The following MIPOL1 variants were observed in gnomAD, a reference collection of about 807,000 sequenced individuals.
MIPOL1 encodes the protein mirror-image polydactyly gene 1 protein.
A neutral mutation model predicts 60.9 loss-of-function variants in MIPOL1; 57 were observed. That is an observed-to-expected ratio of 0.94 (90% confidence interval 0.76 to 1.17). The LOEUF is 1.17. Ranked by LOEUF, MIPOL1 falls within the 50% of genes most tolerant of loss-of-function variation. The pLI, the probability that MIPOL1 is intolerant of heterozygous loss-of-function variation, is 0.00. For missense variants in MIPOL1, 551 were observed against 511.6 expected (o/e 1.08, Z -0.74); for synonymous variants, 179 against 168.8 (o/e 1.06, Z -0.47).
At chr14:37,396,829 A>G (rs1336137493) in intron 10 of MIPOL1, 1 of 151,754 alleles carries the variant, frequency 6.6e-6, no homozygotes, top group East Asian at 1.9e-4. Context: ...TGAAGTTTTG[A>G]TTGTTTTTTC....
At chr14:37,425,623 G>C (rs552730877) in intron 11 of MIPOL1, among the ~76,000 whole-genome samples, 22 of 152,110 alleles carry the variant, frequency 1.4e-4, no homozygotes, top group Non-Finnish European at 2.5e-4. Flanking sequence ...CCTACTTATA[G>C]GGTTGTTTTA....
chr14:37,543,445 T>G (rs1430714625), intron 12 of MIPOL1, among the ~76,000 whole-genome samples: 1 of 152,072 alleles, frequency 6.6e-6, no homozygotes, highest in East Asian at 1.9e-4. Flanking sequence ...CTGGCTAATT[T>G]TTTTTATTTT....
chr14:37,420,614 C>G (rs942155261), intron 10 of MIPOL1, among the ~76,000 whole-genome samples: 1 of 152,010 alleles, frequency 6.6e-6, no homozygotes, highest in Non-Finnish European at 1.5e-5. Context: ...AACAGATACC[C>G]AACTCAGACT....
intron 7 of MIPOL1, among the ~76,000 whole-genome samples, chr14:37,304,983 A>C (rs181592802): frequency 6.6e-6 from 1 of 151,920 alleles, no homozygotes; most frequent in African/African-American, 2.4e-5. Flanking sequence ...TATAACACCA[A>C]CTATTATTTT....
At chr14:37,401,594 T>C (rs1340306242) in intron 10 of MIPOL1, 1 of 152,046 alleles carries the variant, frequency 6.6e-6, no homozygotes. Flanking sequence ...AATTTAAGGA[T>C]CCTATATTTA....
At chr14:37,450,568 G>A (rs1043381551) in intron 11 of MIPOL1, among the ~76,000 whole-genome samples, 1 of 151,988 alleles carries the variant, frequency 6.6e-6, no homozygotes, top group African/African-American at 2.4e-5. Flanking sequence ...ATAAGGAGGT[G>A]TCTAGGAATG....
intron 7 of MIPOL1, among the ~76,000 whole-genome samples, chr14:37,285,887 C>T (rs1326567160): frequency 3.9e-5 from 6 of 152,060 alleles, no homozygotes; most frequent in African/African-American, 9.7e-5. Context: ...CCACCGCGCC[C>T]GGCCTCTCCA....
intron 6 of MIPOL1, among the ~76,000 whole-genome samples, chr14:37,284,536 G>A (rs567241002): frequency 1.3e-5 from 2 of 151,962 alleles, no homozygotes; most frequent in South Asian, 4.2e-4. Context: ...GTAGAGACGG[G>A]GTTTCACCAT....
intron 12 of MIPOL1, among the ~76,000 whole-genome samples, chr14:37,512,478 GAAA>G (rs570306658): frequency 7.8e-6 from 1 of 127,610 alleles, no homozygotes; most frequent in African/African-American, 2.8e-5. Flanking sequence ...TTTCTCAGTT[GAAA>G]AAAAAAAAAA....
In MIPOL1 at chr14:37,459,072, G is replaced by C. The variant is rs1011434720; in HGVS notation, c.1031+36123G>C. Among the ~76,000 whole-genome samples the C allele has an allele frequency of 7.2e-5, 11 of 151,848 alleles. No individual in the cohort carries two copies. The East Asian group carries it at 1.9e-3, about 27-fold the overall frequency. Reference sequence around the variant, plus strand: ...TACATCAAAAAGATAAAAAGGTCTTGAATTAACAACCTAATGCCACACCTC... The same window carrying C: ...TACATCAAAAAGATAAAAAGGTCTTCAATTAACAACCTAATGCCACACCTC... On this transcript the variant is annotated intron_variant, in intron 11 of 12. Transcript: ENST00000684589.
chr14:37,296,070 C>T (rs2085640767), intron 7 of MIPOL1, among the ~76,000 whole-genome samples: 1 of 152,114 alleles, frequency 6.6e-6, no homozygotes, highest in Non-Finnish European at 1.5e-5. Context: ...CACTCCTCAG[C>T]AAATGTAAAA....
intron 10 of MIPOL1, chr14:37,396,996 T>A (rs2093383601): frequency 1.3e-5 from 2 of 152,174 alleles, no homozygotes; most frequent in African/African-American, 4.8e-5. Flanking sequence ...GATTTCTTCT[T>A]GGTTTGGATC....
At chr14:37,381,246 A>G (rs970591944) in intron 10 of MIPOL1, among the ~76,000 whole-genome samples, 11 of 151,744 alleles carry the variant, frequency 7.2e-5, no homozygotes, top group Non-Finnish European at 1.3e-4. Flanking sequence ...CTTACCTTCT[A>G]CTCTCATTGG....
At chr14:37,260,433 A>G (rs1413670027) in intron 3 of MIPOL1, among the ~76,000 whole-genome samples, 1 of 152,132 alleles carries the variant, frequency 6.6e-6, no homozygotes, top group Admixed American at 6.6e-5. Context: ...TAGAAACCAC[A>G]TCTGTGTAAC....
chr14:37,358,973 T>C lies in MIPOL1; in HGVS notation c.829-10544T>C, dbSNP rs548659109. Among the ~76,000 whole-genome samples the C allele has an allele frequency of 4.6e-5, 7 of 152,230 alleles. No individual in the cohort carries two copies. In the East Asian group the frequency reaches 1.2e-3, roughly 25 times the overall value. ...AGGGTTTTTATGGTTTTAGGTCTAA[T>C]ATTTAAGTCTTTAATCCATCTTGAA... On this transcript the variant is annotated intron_variant, in intron 9 of 12. Transcript: ENST00000684589.
intron 12 of MIPOL1, among the ~76,000 whole-genome samples, chr14:37,518,575 TC>T: frequency 6.6e-6 from 1 of 152,252 alleles, no homozygotes; most frequent in African/African-American, 2.4e-5. Flanking sequence ...CTTCAAGTGT[TC>T]CGTTTACCTT....
intron 6 of MIPOL1, among the ~76,000 whole-genome samples, chr14:37,284,843 G>T (rs965650649): frequency 6.6e-6 from 1 of 152,112 alleles, no homozygotes; most frequent in East Asian, 1.9e-4. Flanking sequence ...GGACATTTGG[G>T]TTATGCCTAA....
intron 9 of MIPOL1, among the ~76,000 whole-genome samples, chr14:37,329,784 A>G (rs562374527): frequency 1.1e-4 from 17 of 152,286 alleles, no homozygotes; most frequent in Admixed American, 7.8e-4. Flanking sequence ...TTAAAATAGT[A>G]TAAGAAACAT....
chr14:37,517,489 G>C (rs2095379291), intron 12 of MIPOL1, among the ~76,000 whole-genome samples: 1 of 152,138 alleles, frequency 6.6e-6, no homozygotes, highest in African/African-American at 2.4e-5. Flanking sequence ...GGAGAATTTG[G>C]CAATGTCTAA....
Sources: allele counts gnomAD v4.1 joint callset (sites outside exome capture counted in the v4.1 genomes callset), GRCh38; gene constraint gnomAD v4.1.1; transcripts MANE v1.5; gene names NCBI Gene and HGNC (gene_info 2026-07-23, HGNC 2026-07-21).